NCKAP5: variants seen among roughly 807,000 people sequenced by gnomAD.
The protein encoded by NCKAP5 is nck-associated protein 5.
In NCKAP5, 92 loss-of-function variants were observed where a neutral mutation model predicts 167.0. The observed-to-expected ratio is 0.55, with a 90% CI of 0.47 to 0.66. NCKAP5 has a LOEUF of 0.66. Ranked by LOEUF, NCKAP5 falls within the 30% of genes least tolerant of loss-of-function variation. The probability of loss-of-function intolerance (pLI) is 0.00; values close to 1 mark genes in which losing one functional copy is unlikely to be tolerated. For missense variants in NCKAP5, 2,378 were observed against 2,315.0 expected, an observed-to-expected ratio of 1.03 and a Z score of -0.56; for synonymous variants, 891 against 877.4, an observed-to-expected ratio of 1.02 and a Z score of -0.27.
At chr2:132,801,689 G>T (rs1279256311) in intron 11 of NCKAP5, among the ~76,000 whole-genome samples, 1 of 152,212 alleles carries the variant, frequency 6.6e-6, no homozygotes, top group Non-Finnish European at 1.5e-5. Context: ...GGTAGTCAGT[G>T]CCTGGACTAT....
intron 2 of NCKAP5, chr2:133,554,575 T>C (rs1687605864): frequency 6.6e-6 from 1 of 152,136 alleles, no homozygotes; most frequent in African/African-American, 2.4e-5. Flanking sequence ...TTATACAATA[T>C]ATTTCTCATG....
Position 132,713,595 on chromosome 2 carries a change from GCCTTC to G in NCKAP5, c.5713+12027_5713+12031del, listed in dbSNP as rs200501098. Among the ~76,000 whole-genome samples the G allele has an allele frequency of 9.3e-3, 1,415 of 152,168 alleles. 26 individuals carry two copies. Among genetic ancestry groups the G allele is most frequent in the African/African-American group, 0.033 (1,349 of 41,494 alleles). The stretch of plus-strand genomic sequence containing the variant: ...TAAAATATATTGATCCTGTGGCCTT[GCCTTC>G]TGAATAATCCTAATAAAACTCAGGA... On this transcript the variant is annotated intron_variant, in intron 19 of 19. Coordinates refer to ENST00000409261, the MANE Select transcript of NCKAP5 (RefSeq NM_207363.3).
chr2:133,277,517 G>A (rs770610452), intron 4 of NCKAP5, among the ~76,000 whole-genome samples: 6 of 152,120 alleles, frequency 3.9e-5, no homozygotes, highest in Non-Finnish European at 5.9e-5. Flanking sequence ...AAATAGATGT[G>A]AAGTAATAGA....
intron 6 of NCKAP5, among the ~76,000 whole-genome samples, chr2:133,107,275 G>A (rs1056363702): frequency 3.3e-5 from 5 of 152,060 alleles, no homozygotes; most frequent in African/African-American, 1.2e-4. Flanking sequence ...GCTCCAACAG[G>A]GTCTGTGGGT....
intron 11 of NCKAP5, among the ~76,000 whole-genome samples, chr2:132,811,964 C>T (rs1685909658): frequency 6.6e-6 from 1 of 152,174 alleles, no homozygotes; most frequent in Admixed American, 6.5e-5. Context: ...TTCTTCTACC[C>T]ATGTATTTCA....
intron 6 of NCKAP5, among the ~76,000 whole-genome samples, chr2:133,092,067 T>C (rs1236914069): frequency 6.6e-6 from 1 of 152,176 alleles, no homozygotes; most frequent in Admixed American, 6.5e-5. Flanking sequence ...TTGAACATGA[T>C]CAGTTCATGG....
intron 6 of NCKAP5, among the ~76,000 whole-genome samples, chr2:133,017,052 C>A (rs969898556): frequency 2.0e-5 from 3 of 152,182 alleles, no homozygotes; most frequent in African/African-American, 7.2e-5. Context: ...CCTTTCCACA[C>A]CAACCTTCTA....
chr2:133,273,127 C>T (rs576311160), intron 4 of NCKAP5, among the ~76,000 whole-genome samples: 1 of 152,296 alleles, frequency 6.6e-6, no homozygotes, highest in East Asian at 1.9e-4. Flanking sequence ...AACTGCCAAG[C>T]TAGTTTCCAA....
the NCKAP5 span, among the ~76,000 whole-genome samples, chr2:133,656,580 C>G: frequency 6.6e-6 from 1 of 152,110 alleles, no homozygotes; most frequent in African/African-American, 2.4e-5. Flanking sequence ...TCCTCCTGTC[C>G]CCACACACCA....
chr2:132,806,589 C>T (rs530918294), intron 11 of NCKAP5, among the ~76,000 whole-genome samples: 38 of 152,092 alleles, frequency 2.5e-4, no homozygotes, highest in Admixed American at 2.2e-3. Flanking sequence ...TGTCTATTCA[C>T]GTCCTTAGCC....
the NCKAP5 span, among the ~76,000 whole-genome samples, chr2:133,619,266 T>C: frequency 3.7e-5 from 4 of 109,002 alleles, no homozygotes; most frequent in Admixed American, 3.6e-4. Flanking sequence ...GTAACTAACC[T>C]GCACATTGTG....
intron 6 of NCKAP5, among the ~76,000 whole-genome samples, chr2:133,098,132 T>C (rs921277308): frequency 6.6e-6 from 1 of 152,222 alleles, no homozygotes; most frequent in Admixed American, 6.5e-5. Flanking sequence ...ATTCCAAAGA[T>C]GAAACCGAAA....
At chr2:133,421,650 T>A (rs907402667) in intron 3 of NCKAP5, among the ~76,000 whole-genome samples, 3 of 152,152 alleles carry the variant, frequency 2.0e-5, no homozygotes, top group Non-Finnish European at 4.4e-5. Context: ...ATCCATTATC[T>A]TCCCAGCCAG....
intron 6 of NCKAP5, among the ~76,000 whole-genome samples, chr2:132,996,344 G>C (rs575538241): frequency 1.3e-5 from 2 of 152,148 alleles, no homozygotes; most frequent in South Asian, 2.1e-4. Context: ...ATCTTGTTTT[G>C]TTTTAAATGT....
intron 3 of NCKAP5, among the ~76,000 whole-genome samples, chr2:133,439,631 A>G (rs1407363546): frequency 2.0e-5 from 3 of 152,216 alleles, no homozygotes; most frequent in Non-Finnish European, 4.4e-5. Context: ...ACATGGAAAT[A>G]ATAATTAAGA....
intron 16 of NCKAP5, among the ~76,000 whole-genome samples, chr2:132,754,400 C>T (rs953896445): frequency 6.6e-6 from 1 of 152,144 alleles, no homozygotes; most frequent in African/African-American, 2.4e-5. Context: ...TCAAGCAAGA[C>T]AATAATGCAC....
intron 3 of NCKAP5, among the ~76,000 whole-genome samples, chr2:133,387,907 G>C (rs763291743): frequency 7.2e-5 from 11 of 152,098 alleles, no homozygotes; most frequent in Non-Finnish European, 1.5e-4. Context: ...CTCCTTTAAG[G>C]ACTTCTCTGC....
At chr2:132,812,833 G>A (rs2105275865) in intron 11 of NCKAP5, among the ~76,000 whole-genome samples, 1 of 152,300 alleles carries the variant, frequency 6.6e-6, no homozygotes, top group African/African-American at 2.4e-5. Context: ...AGTGTCTGCG[G>A]AGGGCCTATT....
At chr2:132,868,561 C>G (rs544297351) in intron 10 of NCKAP5, among the ~76,000 whole-genome samples, 1 of 152,154 alleles carries the variant, frequency 6.6e-6, no homozygotes, top group Non-Finnish European at 1.5e-5. Flanking sequence ...ACTTCCCTAA[C>G]TCTTGCTGAA....
Sources: gnomAD v4.1 joint callset for allele counts (sites outside exome capture counted in the v4.1 genomes callset) on GRCh38, gnomAD v4.1.1 for gene constraint, MANE v1.5 for transcripts, NCBI Gene and HGNC (gene_info 2026-07-23, HGNC 2026-07-21) for gene names.